PLD5: variants seen among roughly 807,000 people sequenced by gnomAD.
The protein encoded by PLD5 is inactive phospholipase D5.
Under a neutral mutation model 61.1 loss-of-function variants are expected in PLD5, and 36 were observed. That is an observed-to-expected ratio of 0.59 (90% CI 0.45 to 0.78). PLD5 has a LOEUF of 0.78. Ranked by LOEUF, PLD5 falls within the 30% of genes least tolerant of loss-of-function variation. The pLI is 0.00. For synonymous variants in PLD5, 243 were observed against 242.8 expected, an observed-to-expected ratio of 1.00 and a Z score of -0.01; for missense variants, 515 against 644.4, an observed-to-expected ratio of 0.80 and a Z score of 2.17.
Position 242,265,405 on chromosome 1 carries a change from T to G in PLD5, c.539A>C (p.Asn180Thr). The G allele has an allele frequency of 6.2e-7, 1 of 1,612,690 alleles. No homozygotes were observed. Among genetic ancestry groups the G allele is most frequent in the Non-Finnish European group, 8.5e-7 (1 of 1,179,376 alleles). The change falls in exon 4 of 10, where the codon AAT becomes ACT. Residue 180 changes from asparagine to threonine, a missense_variant. By Grantham distance (65) the Asn-to-Thr change is moderately conservative (BLOSUM62 0). Coordinates refer to ENST00000536534, the MANE Select transcript of PLD5 (RefSeq NM_001372062.1). ...ATCACTCACTAGCTTGATTTCAATA[T>G]TTTGCGAAGTCAGCTGGAGCAACTT... ...FEKLLQLTSQNIEIKLVSDVT... is the reference protein window; with the variant it reads ...FEKLLQLTSQTIEIKLVSDVT...
chr1:242,154,415 T>TA (rs1273876361), intron 5 of PLD5, among the ~76,000 whole-genome samples: 1 of 152,200 alleles, frequency 6.6e-6, no homozygotes, highest in East Asian at 1.9e-4. Flanking sequence ...ATTCTTGTAT[T>TA]ATGCCAGTTT....
Position 242,518,866 on chromosome 1 carries a change from G to A in PLD5, c.189+5222C>T, listed in dbSNP as rs373981464. ...TGTCAACCTGCAGTGAGAGAAGTCC[G>A]TTAGTGGGTAGATATATGTCGACTG... On this transcript the variant is annotated intron_variant, in intron 1 of 9. Coordinates refer to ENST00000536534, the MANE Select transcript of PLD5 (RefSeq NM_001372062.1). 8.7e-4 allele frequency among the ~76,000 whole-genome samples: 132 copies of A among 152,252 alleles called. 1 individual carries two copies. In the Middle Eastern group the frequency reaches 0.027, roughly 31 times the overall value.
chr1:242,091,248 C>A (rs1156917799), intron 9 of PLD5, among the ~76,000 whole-genome samples: 2 of 152,126 alleles, frequency 1.3e-5, no homozygotes, highest in Non-Finnish European at 2.9e-5. Flanking sequence ...GTTAGGACTT[C>A]AACATATGAA....
intron 1 of PLD5, among the ~76,000 whole-genome samples, chr1:242,418,388 T>C (rs766662561): frequency 8.5e-5 from 13 of 152,186 alleles, no homozygotes; most frequent in Non-Finnish European, 1.9e-4. Flanking sequence ...TGGATGTGTG[T>C]CTGAAGCTCA....
intron 1 of PLD5, among the ~76,000 whole-genome samples, chr1:242,463,426 T>C (rs1667180473): frequency 6.6e-6 from 1 of 152,172 alleles, no homozygotes; most frequent in Non-Finnish European, 1.5e-5. Flanking sequence ...GCAAGCGGAC[T>C]CCTAATGTTC....
intron 1 of PLD5, among the ~76,000 whole-genome samples, chr1:242,496,738 C>CA (rs1668382282): frequency 6.6e-6 from 1 of 152,216 alleles, no homozygotes; most frequent in Non-Finnish European, 1.5e-5. Flanking sequence ...AGGATTGTGG[C>CA]ATAGATTTCT....
rs867683491 is a variant in PLD5 at position 242,481,568 on chromosome 1, G to A, written c.189+42520C>T. ...GGTAAACAAAGCAGCTGGGAAGCTC[G>A]AACTGGGTGGAGCCCACCACAGCTC... On this transcript the variant is annotated intron_variant, in intron 1 of 9. Transcript: ENST00000536534. 1.1e-4 allele frequency among the ~76,000 whole-genome samples: 17 copies of A among 152,352 alleles called. No homozygotes were observed. In the East Asian group the frequency reaches 1.7e-3, roughly 16 times the overall value.
chr1:242,132,574 T>A (rs909379820), intron 5 of PLD5, among the ~76,000 whole-genome samples: 26 of 152,174 alleles, frequency 1.7e-4, no homozygotes, highest in African/African-American at 6.3e-4. Flanking sequence ...ATTTAATTAC[T>A]AGGAGCTCTA....
At chr1:242,377,048 G>C in intron 1 of PLD5, 1 of 1,611,630 alleles carries the variant, frequency 6.2e-7, no homozygotes, top group Non-Finnish European at 8.5e-7. Context: ...TGTCTGACAC[G>C]GTGCCATCAG....
intron 5 of PLD5, among the ~76,000 whole-genome samples, chr1:242,195,141 C>G (rs75063778): frequency 1.3e-5 from 2 of 152,210 alleles, no homozygotes; most frequent in African/African-American, 2.4e-5. Context: ...TTGAGAAAGA[C>G]TTTTCTAACA....
In PLD5 at chr1:242,294,086, G is replaced by C. The variant is rs143972601; in HGVS notation, c.327-5556C>G. ...AAATTCACCTTTGGGCAAATCCCTG[G>C]AATACCTATTTGCCATCCACAAGAG... On this transcript the variant is annotated intron_variant, in intron 2 of 9. Transcript: ENST00000536534. Among the ~76,000 whole-genome samples, 35 of 152,190 alleles carry C rather than the reference G, an allele frequency of 2.3e-4. 2 individuals are homozygous for C. In the East Asian group the frequency reaches 6.8e-3, roughly 29 times the overall value.
At chr1:242,433,202 G>A (rs959079850) in intron 1 of PLD5, among the ~76,000 whole-genome samples, 1 of 152,098 alleles carries the variant, frequency 6.6e-6, no homozygotes, top group Non-Finnish European at 1.5e-5. Context: ...CTCAATAGAG[G>A]GTTTTCAAGT....
intron 2 of PLD5, among the ~76,000 whole-genome samples, chr1:242,298,224 G>A (rs2149155607): frequency 6.6e-6 from 1 of 152,294 alleles, no homozygotes; most frequent in East Asian, 1.9e-4. Context: ...TCAGGCAGAT[G>A]AACGCCTCAT....
At chr1:242,186,397 G>A (rs1667890991) in intron 5 of PLD5, among the ~76,000 whole-genome samples, 1 of 152,086 alleles carries the variant, frequency 6.6e-6, no homozygotes, top group Admixed American at 6.5e-5. Flanking sequence ...TGGTCAGGCT[G>A]GTCTTGAACT....
At chr1:242,167,098 AATAATAATAATAATAAT>A in intron 5 of PLD5, among the ~76,000 whole-genome samples, 3 of 146,140 alleles carry the variant, frequency 2.1e-5, no homozygotes, top group African/African-American at 7.4e-5. Context: ...TAATAATAAT[AATAATAATAATAATAAT>A]AAATAGTAGC....
At chr1:242,113,616 C>T (rs2148705255) in intron 7 of PLD5, among the ~76,000 whole-genome samples, 1 of 152,182 alleles carries the variant, frequency 6.6e-6, no homozygotes, top group South Asian at 2.1e-4. Flanking sequence ...TTGAGAGCAA[C>T]CTAATTTTCT....
intron 1 of PLD5, among the ~76,000 whole-genome samples, chr1:242,500,393 T>C (rs1228968980): frequency 6.6e-6 from 1 of 152,230 alleles, no homozygotes; most frequent in South Asian, 2.1e-4. Flanking sequence ...TCCAACACTG[T>C]TCTATGCACA....
chr1:242,244,343 G>A (rs1672237446), intron 4 of PLD5, among the ~76,000 whole-genome samples: 3 of 152,160 alleles, frequency 2.0e-5, no homozygotes, highest in Admixed American at 1.3e-4. Context: ...CTTGGTCCCT[G>A]TTCATGGGAC....
intron 2 of PLD5, among the ~76,000 whole-genome samples, chr1:242,328,497 A>C (rs1253799608): frequency 1.3e-5 from 2 of 152,202 alleles, no homozygotes; most frequent in South Asian, 4.1e-4. Flanking sequence ...TATGTGTTCT[A>C]CATATGTATG....
Sources: gnomAD v4.1 joint callset for allele counts (sites outside exome capture counted in the v4.1 genomes callset) on GRCh38, gnomAD v4.1.1 for gene constraint, MANE v1.5 for transcripts, NCBI Gene and HGNC (gene_info 2026-07-23, HGNC 2026-07-21) for gene names.